The following XYLB variants were observed in gnomAD, a reference collection of about 807,000 sequenced individuals.
XYLB encodes xylulokinase.
A neutral mutation model predicts 78.7 loss-of-function variants in XYLB; 62 were observed. The observed-to-expected ratio is 0.79, with a 90% CI of 0.64 to 0.97. XYLB has a LOEUF of 0.97. XYLB is among the 50% of genes least tolerant of loss of function. The pLI is 0.00. For synonymous variants in XYLB, 245 were observed against 247.4 expected, an observed-to-expected ratio of 0.99 and a Z score of 0.09; for missense variants, 687 against 676.8, an observed-to-expected ratio of 1.02 and a Z score of -0.17.
chr3:38,448,124 G>T, the XYLB span, among the ~76,000 whole-genome samples: 1 of 151,844 alleles, frequency 6.6e-6, no homozygotes, highest in Non-Finnish European at 1.5e-5. Flanking sequence ...TATCTTAAGT[G>T]AACTAAGCCA....
At position 38,347,969 on chromosome 3, in the gene XYLB, TG is replaced by T. The variant is rs377304199; in HGVS notation, c.58-576del. On this transcript the variant is annotated intron_variant, in intron 1 of 18. Coordinates refer to ENST00000207870, the MANE Select transcript of XYLB (RefSeq NM_005108.4). ...GGGAGGCAGGCCTCTGGCCAGTCCT[TG>T]GGGGAACGTCCTGTGGGACTCTGGA... Among the ~76,000 whole-genome samples, 394 of 152,318 alleles carry T rather than the reference TG, an allele frequency of 2.6e-3. 4 individuals are homozygous for T. The highest frequency in any genetic ancestry group is 9.2e-3 in the African/African-American group (383 of 41,574).
intron 2 of XYLB, among the ~76,000 whole-genome samples, chr3:38,359,747 T>C (rs1157993527): frequency 6.6e-6 from 1 of 152,222 alleles, no homozygotes; most frequent in Non-Finnish European, 1.5e-5. Flanking sequence ...GGCTGGATAC[T>C]TAGGAATTGA....
chr3:38,352,401 C>T (rs920295924), intron 2 of XYLB, among the ~76,000 whole-genome samples: 1 of 152,130 alleles, frequency 6.6e-6, no homozygotes, highest in African/African-American at 2.4e-5. Flanking sequence ...AACACAGCCA[C>T]GTTACTGTGA....
At chr3:38,434,266 C>T in the XYLB span, among the ~76,000 whole-genome samples, 2 of 152,184 alleles carry the variant, frequency 1.3e-5, no homozygotes, top group Non-Finnish European at 2.9e-5. Flanking sequence ...TTTCACAGTA[C>T]ATTATAGTCT....
the XYLB span, among the ~76,000 whole-genome samples, chr3:38,436,919 G>T: frequency 6.6e-6 from 1 of 151,608 alleles, no homozygotes; most frequent in Non-Finnish European, 1.5e-5. Flanking sequence ...CAGAAGAATT[G>T]CATGAAATCA....
chr3:38,360,019 T>C (rs1402262662), intron 2 of XYLB, among the ~76,000 whole-genome samples: 4 of 152,136 alleles, frequency 2.6e-5, no homozygotes, highest in Non-Finnish European at 5.9e-5. Flanking sequence ...CTCCTCTACC[T>C]CTCCAAACCT....
intron 8 of XYLB, among the ~76,000 whole-genome samples, chr3:38,369,157 C>T (rs1024057228): frequency 2.6e-5 from 4 of 152,038 alleles, no homozygotes; most frequent in African/African-American, 4.8e-5. Context: ...GGGAAGTTTT[C>T]GAGGGCTGTT....
intron 18 of XYLB, among the ~76,000 whole-genome samples, chr3:38,406,148 G>C (rs1335628332): frequency 1.3e-5 from 2 of 152,240 alleles, no homozygotes; most frequent in African/African-American, 2.4e-5. Context: ...AGTAGGGGCA[G>C]ATTGACAGCC....
At position 38,372,726 on chromosome 3, in the gene XYLB, G is replaced by T; in HGVS notation, c.837G>T (p.Gly279=). Residue 279 remains glycine (G), a synonymous_variant, in exon 10 of 19, where the codon GGG becomes GGT. Transcript: ENST00000207870. ...GATGCAAAGTGGTGGCCTTCACTGG[G>T]GACAACCCAGGTGAGTATCTCGGGG... ...PPGCKVVAFT[G]DNPASLAGMR... is the part of the protein sequence containing the mutation. 1 of 1,614,134 alleles carries T rather than the reference G, an allele frequency of 6.2e-7. No homozygotes were observed. The highest frequency in any genetic ancestry group is 8.5e-7 in the Non-Finnish European group (1 of 1,180,026).
downstream of XYLB, among the ~76,000 whole-genome samples, chr3:38,420,809 G>T (rs545231872): frequency 2.6e-5 from 4 of 152,136 alleles, no homozygotes; most frequent in South Asian, 8.3e-4. Context: ...AAATAAACTG[G>T]CCATAAACAG....
At chr3:38,448,828 C>G in the XYLB span, among the ~76,000 whole-genome samples, 1 of 152,128 alleles carries the variant, frequency 6.6e-6, no homozygotes, top group Non-Finnish European at 1.5e-5. Flanking sequence ...TCTGAGTTTT[C>G]CATGAAGACT....
In XYLB at chr3:38,410,774, G is replaced by A. The variant is rs563918705; in HGVS notation, c.1534-2162G>A. ...ACATTTATGCAGCCAAAAGACACAT[G>A]AAAAAATGCTCACCATCACTGGCCA... On this transcript the variant is annotated intron_variant, in intron 18 of 18. Coordinates refer to ENST00000207870, the MANE Select transcript of XYLB (RefSeq NM_005108.4). 3.0e-4 allele frequency among the ~76,000 whole-genome samples: 45 copies of A among 151,990 alleles called. 1 individual carries two copies. In the South Asian group the frequency reaches 9.4e-3, roughly 32 times the overall value.
chr3:38,400,828 G>A, intron 17 of XYLB, 63 bp from the exon 18 acceptor site: 2 of 1,397,870 alleles, frequency 1.4e-6, no homozygotes, highest in South Asian at 2.4e-5. Flanking sequence ...ATCCTTCGTG[G>A]TGTTTTTGGT....
intron 15 of XYLB, among the ~76,000 whole-genome samples, chr3:38,386,056 A>G (rs567303123): frequency 3.3e-5 from 5 of 152,288 alleles, no homozygotes; most frequent in African/African-American, 9.6e-5. Flanking sequence ...TCAACCCTAT[A>G]CACTCTACTT....
At chr3:38,445,910 A>G in the XYLB span, among the ~76,000 whole-genome samples, 9,291 of 152,218 alleles carry the variant, frequency 0.061, 449 homozygotes, top group East Asian at 0.19. Context: ...GCTTGACGAT[A>G]GTCCCTTCTT....
intron 17 of XYLB, among the ~76,000 whole-genome samples, chr3:38,398,252 A>G (rs1707970829): frequency 3.3e-5 from 5 of 151,170 alleles, no homozygotes; most frequent in Admixed American, 3.3e-4. Flanking sequence ...GGTGGATCAC[A>G]AGGTCAGGAG....
chr3:38,430,069 C>A, the XYLB span, among the ~76,000 whole-genome samples: 1 of 152,016 alleles, frequency 6.6e-6, no homozygotes, highest in Non-Finnish European at 1.5e-5. Context: ...GGGTATATAC[C>A]CAGTAATAGG....
chr3:38,421,755 C>G (rs1482473202), downstream of XYLB, among the ~76,000 whole-genome samples: 1 of 152,150 alleles, frequency 6.6e-6, no homozygotes, highest in Non-Finnish European at 1.5e-5. Flanking sequence ...AGCAAGTTTG[C>G]TTGCCAGCTA....
chr3:38,439,414 A>G, the XYLB span, among the ~76,000 whole-genome samples: 5 of 152,232 alleles, frequency 3.3e-5, no homozygotes, highest in Admixed American at 6.5e-5. Flanking sequence ...AGATGGCTGC[A>G]CAGGACCTAG....
Sources: gnomAD v4.1 joint callset for allele counts (sites outside exome capture counted in the v4.1 genomes callset) on GRCh38, gnomAD v4.1.1 for gene constraint, MANE v1.5 for transcripts, NCBI Gene and HGNC (gene_info 2026-07-23, HGNC 2026-07-21) for gene names.